SELENOT: variants seen among roughly 807,000 people sequenced by gnomAD.
SELENOT encodes the protein thioredoxin reductase-like selenoprotein T.
Under a neutral mutation model 24.3 loss-of-function variants are expected in SELENOT, and 9 were observed. The ratio of observed to expected loss-of-function variants is 0.37; its 90% CI spans 0.22 to 0.65. The LOEUF (loss-of-function observed/expected upper bound fraction) is 0.65. SELENOT is among the 30% of genes least tolerant of loss of function. The probability of loss-of-function intolerance (pLI) is 0.60; values close to 1 mark genes in which losing one functional copy is unlikely to be tolerated. For synonymous variants in SELENOT, 81 were observed against 86.0 expected, an observed-to-expected ratio of 0.94 and a Z score of 0.32; for missense variants, 166 against 247.6, an observed-to-expected ratio of 0.67 and a Z score of 2.21.
In SELENOT at chr3:150,622,426, G is replaced by T; in HGVS notation, c.179G>T (p.Arg60Leu). 6.7e-7 allele frequency: 1 copy of T among 1,495,614 alleles called. No individual in the cohort carries two copies. The highest frequency in any genetic ancestry group is 2.6e-5 in the East Asian group (1 of 39,124). 92.6% of individuals were successfully genotyped at this position (1,495,614 alleles called of 1,614,324 possible). Residue 60 changes from arginine to leucine, a missense_variant, in exon 2 of 6, where the codon CGG becomes CTG. Physicochemically the swap from Arg to Leu is moderately radical, Grantham distance 102. Around this residue, in one of 5 missense-constraint regions of SELENOT, gnomAD observed 71 missense variants for 89.2 expected, o/e 0.80. Transcript: ENST00000471696. ...AGGCGGGTGTTTGAGGAGTACATGCGGGTTATTAGCCAGCGGTACCCAGAC... is the reference window on the plus strand; with the variant it reads ...AGGCGGGTGTTTGAGGAGTACATGCTGGTTATTAGCCAGCGGTACCCAGAC... ...GYRRVFEEYM[R>L]VISQRYPDIR...
At position 150,611,893 on chromosome 3, in the gene SELENOT, G is replaced by A. The variant is rs546720705; in HGVS notation, c.137+8394G>A. On this transcript the variant is annotated intron_variant, in intron 1 of 5. Coordinates refer to ENST00000471696, the MANE Select transcript of SELENOT (RefSeq NM_016275.5). ...AGCCGTTCATGTCTCCGAGCTCCGG[G>A]GTACCGGCGCTGACAGAAATCCCCA... The A allele has an allele frequency of 4.9e-6, 5 of 1,014,084 alleles. No homozygotes were observed. The East Asian group carries it at 1.0e-4, about 21-fold the overall frequency. 62.8% of individuals were successfully genotyped at this position (1,014,084 alleles called of 1,614,324 possible). A position where few individuals can be genotyped will look rare whatever the true frequency, so the allele number is the denominator to read the frequency against.
rs1471910552 is a variant in SELENOT, at chr3:150,628,889, G to A, written c.*1260G>A. ...GGAAAAGTTATAAGGTACAGGTTGA[G>A]TATCCCTTTTCCAAAAATGCTTGGG... On this transcript the variant is annotated 3_prime_UTR_variant, in exon 6 of 6. Coordinates refer to ENST00000471696, the MANE Select transcript of SELENOT (RefSeq NM_016275.5). 1.3e-5 allele frequency: 2 copies of A among 152,150 alleles called. No individual in the cohort carries two copies. Among genetic ancestry groups the A allele is most frequent in the East Asian group, 3.8e-4 (2 of 5,204 alleles). 9.4% of individuals were successfully genotyped at this position (152,150 alleles called of 1,614,324 possible). A position where few individuals can be genotyped will look rare whatever the true frequency, so the allele number is the denominator to read the frequency against.
At chr3:150,623,597 C>CTG (rs1031290732) in intron 3 of SELENOT, among the ~76,000 whole-genome samples, 1 of 151,476 alleles carries the variant, frequency 6.6e-6, no homozygotes, top group African/African-American at 2.4e-5. Flanking sequence ...AAACTCCTCT[C>CTG]TCTTTTTAAA....
intron 1 of SELENOT, among the ~76,000 whole-genome samples, chr3:150,621,951 T>G (rs1225876661): frequency 1.3e-5 from 2 of 152,098 alleles, no homozygotes; most frequent in Non-Finnish European, 2.9e-5. Flanking sequence ...AATTTGAAAG[T>G]CTGTAGTTCA....
intron 1 of SELENOT, chr3:150,603,802 T>C: frequency 4.3e-6 from 1 of 232,634 alleles, no homozygotes; most frequent in Non-Finnish European, 8.3e-6. Context: ...TACGGAGGAC[T>C]GGTTGGCGGC....
intron 1 of SELENOT, among the ~76,000 whole-genome samples, chr3:150,616,839 C>G (rs572070622): frequency 6.6e-6 from 1 of 152,332 alleles, no homozygotes; most frequent in South Asian, 2.1e-4. Flanking sequence ...CGAGGTTTTA[C>G]CGTGTTACTC....
At chr3:150,625,998 T>C (rs1342830239) in intron 4 of SELENOT, among the ~76,000 whole-genome samples, 1 of 152,064 alleles carries the variant, frequency 6.6e-6, no homozygotes, top group African/African-American at 2.4e-5. Flanking sequence ...GCCTCCTGCG[T>C]AGCTGGGACT....
At position 150,615,195 on chromosome 3, in the gene SELENOT, G is replaced by A. The variant is rs867810840; in HGVS notation, c.138-7190G>A. Among the ~76,000 whole-genome samples the A allele has an allele frequency of 4.6e-5, 7 of 151,342 alleles. No individual in the cohort carries two copies. The South Asian group carries it at 8.4e-4, about 18-fold the overall frequency. On this transcript the variant is annotated intron_variant, in intron 1 of 5. Coordinates refer to ENST00000471696, the MANE Select transcript of SELENOT (RefSeq NM_016275.5). ...CCATGTCCCTACAAAGGACATGAAT[G>A]CATCATTTTTTATGGCTGCATAGTA...
chr3:150,626,084 T>C (rs1726436271), intron 4 of SELENOT, among the ~76,000 whole-genome samples: 2 of 152,202 alleles, frequency 1.3e-5, no homozygotes, highest in African/African-American at 4.8e-5. Context: ...TTAGCCAGGA[T>C]GGTCTTGATC....
chr3:150,620,902 A>AT (rs1005025742), intron 1 of SELENOT, among the ~76,000 whole-genome samples: 15 of 152,238 alleles, frequency 9.9e-5, no homozygotes, highest in Admixed American at 6.5e-5. Flanking sequence ...AGATTAATAC[A>AT]TTTTTTTGCA....
In SELENOT at chr3:150,627,058, A is replaced by G; in HGVS notation, c.512A>G (p.Gln171Arg). Residue 171 changes from glutamine to arginine, a missense_variant, in exon 5 of 6, where the codon CAA becomes CGA. This residue lies in a region of SELENOT where 44 missense variants were observed against 72.2 expected (regional missense o/e 0.61). Transcript: ENST00000471696. The stretch of plus-strand genomic sequence containing the variant: ...GAATCTGGTCACCTTCCATCCATGC[A>G]ACAACTTGTTCAAATTCTTGACAAT... The part of the protein sequence containing the change: ...KLESGHLPSM[Q>R]QLVQILDNEM... 6.2e-7 allele frequency: 1 copy of G among 1,613,736 alleles called. No homozygotes were observed. Among genetic ancestry groups the G allele is most frequent in the Non-Finnish European group, 8.5e-7 (1 of 1,179,796 alleles).
chr3:150,622,348 G>T, intron 1 of SELENOT, 37 bp from the exon 2 acceptor site: 1 of 1,048,254 alleles, frequency 9.5e-7, no homozygotes, highest in South Asian at 2.2e-5. Context: ...CTAGATGTAT[G>T]CTAAATGACT....
At chr3:150,603,985 TC>T (rs1725902376) in intron 1 of SELENOT, among the ~76,000 whole-genome samples, 1 of 152,182 alleles carries the variant, frequency 6.6e-6, no homozygotes, top group African/African-American at 2.4e-5. Flanking sequence ...TTGGAGAGGA[TC>T]CGGGAGTGAC....
Position 150,628,251 on chromosome 3 carries a change from TA to T in SELENOT, c.*629del, listed in dbSNP as rs1016285250. The T allele has an allele frequency of 6.5e-6, 1 of 152,694 alleles. No individual in the cohort carries two copies. The highest frequency in any genetic ancestry group is 2.1e-4 in the South Asian group (1 of 4,828). The allele number at this position is 152,694 out of a possible 1,614,324, so 9.5% of individuals were successfully genotyped here. On this transcript the variant is annotated 3_prime_UTR_variant, in exon 6 of 6. Coordinates refer to ENST00000471696, the MANE Select transcript of SELENOT (RefSeq NM_016275.5). ...GTGCGTGTGATTACCAGAGAACTAC[TA>T]AAAAAACCAACTGCTTTTTAAATCC...
Sources: gnomAD v4.1 joint callset for allele counts (sites outside exome capture counted in the v4.1 genomes callset) on GRCh38, gnomAD v4.1.1 for gene constraint, gnomAD v4.1.1 regional missense constraint, MANE v1.5 for transcripts, NCBI Gene and HGNC (gene_info 2026-07-23, HGNC 2026-07-21) for gene names.